BRCA1: variants seen among roughly 807,000 people sequenced by gnomAD.
BRCA1 encodes breast cancer type 1 susceptibility protein.
In BRCA1, 140 loss-of-function variants were observed where a neutral mutation model predicts 173.7. That is an observed-to-expected ratio of 0.81 (90% CI 0.70 to 0.93). The LOEUF (loss-of-function observed/expected upper bound fraction) is 0.93. Ranked by LOEUF, BRCA1 falls within the 40% of genes least tolerant of loss-of-function variation. BRCA1 has a pLI of 0.00. For missense variants in BRCA1, 1,983 were observed against 2,172.5 expected (o/e 0.91, Z 1.73); for synonymous variants, 662 against 756.0 (o/e 0.88, Z 2.04).
At chr17:43,155,670 C>G (rs5018133) in intron 1 of BRCA1, among the ~76,000 whole-genome samples, 45,596 of 151,912 alleles carry the variant, frequency 0.3, 7,396 homozygotes, top group South Asian at 0.49. Context: ...GTAGCTGGGA[C>G]TACAGGCGCA....
Position 43,094,988 on chromosome 17 carries a change from C to G in BRCA1, c.671-128G>C, listed in dbSNP as rs979127361. 12 of 763,102 alleles carry G rather than the reference C, an allele frequency of 1.6e-5. No homozygotes were observed. The African/African-American group carries it at 1.6e-4, about 10-fold the overall frequency. The allele number at this position is 763,102 out of a possible 1,614,324, so 47.3% of individuals were successfully genotyped here. ...TTAGAGAAACTAACCTCATAAACTA[C>G]CAAGTATACTGAAGATGTAGCTCAT... is the stretch of plus-strand genomic sequence containing the variant. On this transcript the variant is annotated intron_variant, in intron 9 of 22. Coordinates refer to ENST00000357654, the MANE Select transcript of BRCA1 (RefSeq NM_007294.4).
chr17:43,087,135 T>C (rs1174107674), intron 11 of BRCA1, among the ~76,000 whole-genome samples: 2 of 152,136 alleles, frequency 1.3e-5, no homozygotes, highest in African/African-American at 4.8e-5. Context: ...TAAAAAACAA[T>C]TTAGTAACAT....
intron 3 of BRCA1, among the ~76,000 whole-genome samples, chr17:43,110,248 A>G (rs537666395): frequency 2.0e-5 from 3 of 152,230 alleles, no homozygotes; most frequent in Admixed American, 2.0e-4. Flanking sequence ...TGTTAACTAA[A>G]CTTAAAAGAA....
intron 1 of BRCA1, chr17:43,138,892 G>A (rs1235574104): frequency 1.3e-6 from 1 of 778,830 alleles, no homozygotes; most frequent in Non-Finnish European, 2.4e-6. Context: ...CAAGTTTCCT[G>A]ACTTCTTCCA....
chr17:43,058,724 A>G (rs1315499324), intron 18 of BRCA1, among the ~76,000 whole-genome samples: 1 of 152,246 alleles, frequency 6.6e-6, no homozygotes, highest in African/African-American at 2.4e-5. Context: ...ATCTAAGGAA[A>G]TAAAGGCTTT....
intron 6 of BRCA1, among the ~76,000 whole-genome samples, chr17:43,102,120 G>C (rs1199696769): frequency 6.6e-6 from 1 of 151,496 alleles, no homozygotes; most frequent in Admixed American, 6.6e-5. Context: ...GCCCAGGCTG[G>C]ATCGCAGTGG....
chr17:43,170,153 G>A (rs1167109998), exon 1 of BRCA1: 3 of 224,102 alleles, frequency 1.3e-5, no homozygotes, highest in Admixed American at 5.0e-5. Context: ...TCACCCCAAC[G>A]CGGCCTTAGC....
chr17:43,124,527 C>T (rs1470651546), intron 1 of BRCA1, among the ~76,000 whole-genome samples: 1 of 152,118 alleles, frequency 6.6e-6, no homozygotes, highest in African/African-American at 2.4e-5. Flanking sequence ...TTCCCAGTGA[C>T]CTGCTCTCAT....
intron 1 of BRCA1, chr17:43,132,971 A>G (rs1299942277): frequency 6.6e-6 from 1 of 151,234 alleles, no homozygotes; most frequent in Non-Finnish European, 1.5e-5. Context: ...ACGGGGTTTC[A>G]CTGTGTTAGC....
chr17:43,104,225 T>G lies in BRCA1; in HGVS notation c.338A>C (p.Asn113Thr). The G allele has an allele frequency of 6.2e-7, 1 of 1,612,856 alleles. No homozygotes were observed. The highest frequency in any genetic ancestry group is 1.3e-5 in the African/African-American group (1 of 74,976). The change falls in exon 6 of 23, where the codon AAC (asparagine) becomes ACC (threonine). Residue 113 changes from asparagine to threonine, a missense_variant. Asn to Thr is a moderately conservative substitution (Grantham distance 65, BLOSUM62 0). Transcript: ENST00000357654. ...NSYNFAKKEN[N>T]SPEHLKDEVS... ...TTCATCTTTTAGATGTTCAGGAGAG[T>G]TATTTTCCTTTTTTGCAAAATTATA... is the stretch of plus-strand genomic sequence containing the variant.
At chr17:43,084,175 C>T (rs570133122) in intron 11 of BRCA1, among the ~76,000 whole-genome samples, 111 of 152,238 alleles carry the variant, frequency 7.3e-4, no homozygotes, top group African/African-American at 2.6e-3. Context: ...GGATTACAGG[C>T]GCCCGCCACC....
intron 2 of BRCA1, among the ~76,000 whole-genome samples, chr17:43,123,787 A>G (rs1206109710): frequency 6.6e-6 from 1 of 152,234 alleles, no homozygotes; most frequent in African/African-American, 2.4e-5. Flanking sequence ...TCTTTCCCGG[A>G]CCACAGGATT....
chr17:43,128,276 C>A (rs574942113), upstream of BRCA1, among the ~76,000 whole-genome samples: 118 of 151,976 alleles, frequency 7.8e-4, no homozygotes, highest in African/African-American at 2.7e-3. Flanking sequence ...ACGGGAGGAA[C>A]GAACAAACTC....
intron 18 of BRCA1, among the ~76,000 whole-genome samples, chr17:43,058,414 A>G (rs1490855150): frequency 1.3e-5 from 2 of 152,110 alleles, no homozygotes; most frequent in Non-Finnish European, 2.9e-5. Context: ...CAAAAAAAAG[A>G]AAGAAAGAAA....
At chr17:43,099,979 A>G in intron 6 of BRCA1, 99 bp from the exon 7 acceptor site, 1 of 934,618 alleles carries the variant, frequency 1.1e-6, no homozygotes, top group South Asian at 1.3e-5. Context: ...TAAATTGACC[A>G]TCATCAGTCA....
intron 1 of BRCA1, chr17:43,138,833 T>C (rs58245879): frequency 1.3e-6 from 1 of 778,670 alleles, no homozygotes; most frequent in Non-Finnish European, 2.4e-6. Flanking sequence ...CCCCCACCAG[T>C]CACCAGCCTG....
chr17:43,086,376 T>C (rs2053231525), intron 11 of BRCA1, among the ~76,000 whole-genome samples: 1 of 151,784 alleles, frequency 6.6e-6, no homozygotes, highest in African/African-American at 2.4e-5. Flanking sequence ...CAGTCTTCTG[T>C]AAAAACAAAC....
chr17:43,139,177 CT>C (rs34960683), intron 1 of BRCA1, among the ~76,000 whole-genome samples: 40,259 of 137,598 alleles, frequency 0.29, 5,770 homozygotes, highest in South Asian at 0.5. Context: ...GGAGCATTGT[CT>C]TTTTTTTTTT....
intron 1 of BRCA1, among the ~76,000 whole-genome samples, chr17:43,142,125 G>C (rs1280569124): frequency 6.6e-6 from 1 of 152,122 alleles, no homozygotes; most frequent in Non-Finnish European, 1.5e-5. Flanking sequence ...TGTTGGCCAG[G>C]CTGGTCTTGA....
Sources: allele counts gnomAD v4.1 joint callset (sites outside exome capture counted in the v4.1 genomes callset), GRCh38; gene constraint gnomAD v4.1.1; transcripts MANE v1.5; gene names NCBI Gene and HGNC (gene_info 2026-07-23, HGNC 2026-07-21).